Variants in CADPS observed in about 807,000 individuals in gnomAD.
CADPS encodes the protein calcium-dependent secretion activator 1.
In CADPS, 57 loss-of-function variants were observed where a neutral mutation model predicts 167.3. That is an observed-to-expected ratio of 0.34 (90% CI 0.28 to 0.42). The LOEUF (loss-of-function observed/expected upper bound fraction) is 0.42, where lower values mean the gene tolerates loss of function less well. Ranked by LOEUF, CADPS falls within the 20% of genes least tolerant of loss-of-function variation. The pLI, the probability that CADPS is intolerant of heterozygous loss-of-function variation, is 1.00. For missense variants in CADPS, 1,414 were observed against 1,738.1 expected (o/e 0.81, Z 3.32); for synonymous variants, 676 against 635.3 (o/e 1.06, Z -0.96).
At chr3:62,688,740 A>G (rs1418544690) in intron 3 of CADPS, among the ~76,000 whole-genome samples, 1 of 152,002 alleles carries the variant, frequency 6.6e-6, no homozygotes, top group Non-Finnish European at 1.5e-5. Context: ...TCTCAGGCTG[A>G]CCTCTAAGAA....
At chr3:62,586,106 A>G (rs1264869113) in intron 7 of CADPS, among the ~76,000 whole-genome samples, 1 of 152,178 alleles carries the variant, frequency 6.6e-6, no homozygotes, top group Non-Finnish European at 1.5e-5. Flanking sequence ...CAGGAGACAC[A>G]TGGGATCTGG....
At chr3:62,518,574 C>T (rs1245740171) in intron 13 of CADPS, among the ~76,000 whole-genome samples, 1 of 152,176 alleles carries the variant, frequency 6.6e-6, no homozygotes, top group Non-Finnish European at 1.5e-5. Context: ...CAGTTGCCAA[C>T]ATTTTTTTAA....
chr3:62,599,878 AATATAT>A (rs199812969), intron 6 of CADPS, among the ~76,000 whole-genome samples: 6 of 72,556 alleles, frequency 8.3e-5, no homozygotes, highest in African/African-American at 3.9e-4. Flanking sequence ...AATAATATAT[AATATAT>A]ATATATTATA....
chr3:62,592,549 C>T, intron 7 of CADPS, 88 bp downstream of exon 7: 1 of 950,664 alleles, frequency 1.1e-6, no homozygotes, highest in East Asian at 2.4e-5. Context: ...CAGCACTTGG[C>T]AATGCTGCCT....
At chr3:62,525,698 T>C (rs1289407225) in intron 13 of CADPS, among the ~76,000 whole-genome samples, 5 of 151,934 alleles carry the variant, frequency 3.3e-5, no homozygotes, top group East Asian at 3.9e-4. Flanking sequence ...TGTGTGTGTG[T>C]GTGTGTATGT....
chr3:62,794,826 T>C (rs1442396357), intron 1 of CADPS, among the ~76,000 whole-genome samples: 1 of 147,690 alleles, frequency 6.8e-6, no homozygotes, highest in Non-Finnish European at 1.5e-5. Flanking sequence ...TCCTGATGAA[T>C]ATTCTGGTCT....
intron 17 of CADPS, among the ~76,000 whole-genome samples, chr3:62,505,569 A>T (rs917268412): frequency 6.6e-6 from 1 of 152,168 alleles, no homozygotes; most frequent in African/African-American, 2.4e-5. Context: ...TCTCTTCTGC[A>T]GTTCATTCTC....
At chr3:62,699,395 A>G (rs2080976679) in intron 3 of CADPS, among the ~76,000 whole-genome samples, 1 of 151,992 alleles carries the variant, frequency 6.6e-6, no homozygotes, top group Non-Finnish European at 1.5e-5. Context: ...TTTCTTTAAA[A>G]CAAATATTGA....
chr3:62,741,331 C>G (rs541348519), intron 3 of CADPS, among the ~76,000 whole-genome samples: 1 of 152,184 alleles, frequency 6.6e-6, no homozygotes, highest in East Asian at 1.9e-4. Context: ...AAAAAGAAAA[C>G]TTCAGGCCAA....
At chr3:62,866,436 G>C (rs1485921997) in intron 1 of CADPS, among the ~76,000 whole-genome samples, 2 of 151,906 alleles carry the variant, frequency 1.3e-5, no homozygotes, top group Non-Finnish European at 2.9e-5. Context: ...GTACTGTTTT[G>C]GGAGATGGGA....
intron 8 of CADPS, among the ~76,000 whole-genome samples, chr3:62,579,096 C>A (rs917966360): frequency 4.6e-5 from 7 of 152,168 alleles, no homozygotes; most frequent in African/African-American, 1.7e-4. Context: ...AAAGGAAAAT[C>A]AGAATTGCTG....
At chr3:62,693,302 T>C (rs1292944790) in intron 3 of CADPS, among the ~76,000 whole-genome samples, 1 of 152,034 alleles carries the variant, frequency 6.6e-6, no homozygotes, top group Non-Finnish European at 1.5e-5. Context: ...TATTCACTTT[T>C]TCACTTTTAA....
At chr3:62,872,349 G>A (rs1045319753) in intron 1 of CADPS, among the ~76,000 whole-genome samples, 1 of 152,022 alleles carries the variant, frequency 6.6e-6, no homozygotes, top group Non-Finnish European at 1.5e-5. Context: ...CTCTAGAAAG[G>A]CATTAAAAAC....
chr3:62,637,506 G>A (rs751149201), intron 6 of CADPS, among the ~76,000 whole-genome samples: 3 of 152,176 alleles, frequency 2.0e-5, no homozygotes, highest in African/African-American at 7.2e-5. Flanking sequence ...TATGTGGGTC[G>A]AATTATGCCT....
chr3:62,492,252 C>G, intron 20 of CADPS, 38 bp downstream of exon 20: 1 of 1,586,072 alleles, frequency 6.3e-7, no homozygotes, highest in Non-Finnish European at 8.6e-7. Flanking sequence ...TATCTGCACA[C>G]TACTTAGGAA....
At chr3:62,650,751 G>T in intron 5 of CADPS, 96 bp downstream of exon 5, 1 of 821,404 alleles carries the variant, frequency 1.2e-6, no homozygotes, top group Non-Finnish European at 2.0e-6. Context: ...ACTGCTCCTG[G>T]GGTGCAACAG....
chr3:62,708,068 G>A (rs2082657764), intron 3 of CADPS, among the ~76,000 whole-genome samples: 1 of 151,984 alleles, frequency 6.6e-6, no homozygotes, highest in Non-Finnish European at 1.5e-5. Flanking sequence ...TGGGACCATA[G>A]GCACTAACAC....
intron 10 of CADPS, among the ~76,000 whole-genome samples, chr3:62,550,587 A>G (rs2152266159): frequency 6.6e-6 from 1 of 152,258 alleles, no homozygotes; most frequent in Admixed American, 6.5e-5. Flanking sequence ...CTTCTGATTC[A>G]GTACGTCCGG....
chr3:62,589,955 C>A (rs144383293), intron 7 of CADPS, among the ~76,000 whole-genome samples: 59 of 152,036 alleles, frequency 3.9e-4, no homozygotes, highest in African/African-American at 1.3e-3. Context: ...TTTGGGAGGC[C>A]GAGGCGGGCG....
Sources: gnomAD v4.1 joint callset for allele counts (sites outside exome capture counted in the v4.1 genomes callset) on GRCh38, gnomAD v4.1.1 for gene constraint, MANE v1.5 for transcripts, NCBI Gene and HGNC (gene_info 2026-07-23, HGNC 2026-07-21) for gene names.